Variants in ASIC2 observed in about 807,000 individuals in gnomAD.
ASIC2 encodes acid-sensing ion channel 2.
Under a neutral mutation model 57.3 loss-of-function variants are expected in ASIC2, and 25 were observed. The observed-to-expected ratio is 0.44, with a 90% confidence interval of 0.32 to 0.61. The LOEUF is 0.61. Ranked by LOEUF, ASIC2 falls within the 20% of genes least tolerant of loss-of-function variation. The probability of loss-of-function intolerance (pLI) is 0.06; values close to 1 mark genes in which losing one functional copy is unlikely to be tolerated. For missense variants in ASIC2, 641 were observed against 738.1 expected, an observed-to-expected ratio of 0.87 and a Z score of 1.52; for synonymous variants, 319 against 307.5, an observed-to-expected ratio of 1.04 and a Z score of -0.39.
intron 1 of ASIC2, among the ~76,000 whole-genome samples, chr17:34,100,669 G>A (rs999566636): frequency 1.3e-5 from 2 of 152,142 alleles, no homozygotes; most frequent in Admixed American, 1.3e-4. Flanking sequence ...AGAGGGCTGA[G>A]GGCTCCCAGG....
At chr17:33,210,482 C>G (rs1003390679) in intron 1 of ASIC2, among the ~76,000 whole-genome samples, 1 of 152,220 alleles carries the variant, frequency 6.6e-6, no homozygotes, top group African/African-American at 2.4e-5. Flanking sequence ...CCCTCCACCC[C>G]CCAACCCAGG....
At chr17:33,792,694 G>T (rs1231005971) in intron 1 of ASIC2, 1 of 152,154 alleles carries the variant, frequency 6.6e-6, no homozygotes, top group Non-Finnish European at 1.5e-5. Flanking sequence ...AATCACAGTG[G>T]CTTATGAAGT....
At chr17:33,579,795 GTGAAAAACACCCCTT>G (rs1394728207) in intron 1 of ASIC2, among the ~76,000 whole-genome samples, 53 of 152,252 alleles carry the variant, frequency 3.5e-4, no homozygotes, top group Non-Finnish European at 6.9e-4. Flanking sequence ...CTACCACACC[GTGAAAAACACCCCTT>G]GGATTTCGGC....
intron 1 of ASIC2, among the ~76,000 whole-genome samples, chr17:33,712,571 T>A (rs1162896746): frequency 1.3e-5 from 2 of 151,368 alleles, no homozygotes; most frequent in Non-Finnish European, 2.9e-5. Flanking sequence ...TGGCTGGAAC[T>A]GTAGTCATCT....
rs8078681 is a variant in ASIC2, at chr17:34,111,144, C to G, written c.555+44834G>C. On this transcript the variant is annotated intron_variant, in intron 1 of 9. Transcript: ENST00000359872. ...AGGAGGCTGAGGCAGGAGAATCACT[C>G]GAACCCAGGAGGCAGAAGTTGCAGT... Among the ~76,000 whole-genome samples the G allele has an allele frequency of 2.8e-4, 43 of 151,748 alleles. 1 individual carries two copies. The East Asian group carries it at 7.7e-3, about 27-fold the overall frequency.
chr17:33,894,338 CG>C (rs1915036146), intron 1 of ASIC2, among the ~76,000 whole-genome samples: 2 of 93,906 alleles, frequency 2.1e-5, no homozygotes, highest in Admixed American at 8.8e-5. Context: ...TGCGTGCGTG[CG>C]TGCGTGCGTG....
At chr17:33,219,499 C>G (rs1907617406) in intron 1 of ASIC2, among the ~76,000 whole-genome samples, 1 of 152,196 alleles carries the variant, frequency 6.6e-6, no homozygotes. Flanking sequence ...AACACTATGA[C>G]AGTCATTGCT....
At chr17:33,331,113 A>G (rs777046270) in intron 1 of ASIC2, among the ~76,000 whole-genome samples, 5 of 152,040 alleles carry the variant, frequency 3.3e-5, no homozygotes, top group Admixed American at 6.6e-5. Flanking sequence ...AGGAGCACAA[A>G]CCCTATTGTG....
intron 1 of ASIC2, among the ~76,000 whole-genome samples, chr17:33,446,987 G>A (rs899931516): frequency 6.6e-6 from 1 of 152,150 alleles, no homozygotes; most frequent in Admixed American, 6.5e-5. Flanking sequence ...TAAACTGAAC[G>A]TCACTATTTT....
intron 1 of ASIC2, among the ~76,000 whole-genome samples, chr17:33,182,217 A>T (rs905979588): frequency 6.6e-6 from 1 of 152,138 alleles, no homozygotes; most frequent in African/African-American, 2.4e-5. Flanking sequence ...TTTGGAAGGA[A>T]CAGCCAATAG....
At chr17:34,001,384 G>A (rs1906334873) in intron 1 of ASIC2, 1 of 152,718 alleles carries the variant, frequency 6.5e-6, no homozygotes, top group African/African-American at 2.4e-5. Flanking sequence ...GACAGGCCTG[G>A]TGTGTGGGTC....
intron 1 of ASIC2, among the ~76,000 whole-genome samples, chr17:34,124,642 CA>C (rs1370885537): frequency 3.3e-5 from 5 of 152,166 alleles, no homozygotes; most frequent in Admixed American, 3.3e-4. Flanking sequence ...ATTTATTTCT[CA>C]CACTTCCAAG....
chr17:33,065,976 G>A (rs2092041849), intron 3 of ASIC2, among the ~76,000 whole-genome samples: 1 of 152,100 alleles, frequency 6.6e-6, no homozygotes, highest in Non-Finnish European at 1.5e-5. Flanking sequence ...CAGACCAGTG[G>A]GATGTTAAGG....
In ASIC2 at chr17:33,682,060, C is replaced by CTTTTTTTT. The variant is rs58085265; in HGVS notation, c.555+473910_555+473917dup. ...CCACACAGGATGGCATCAGTGACAT[C>CTTTTTTTT]TTTTTTTTTTTTTTTTTGAGACAGA... is the stretch of plus-strand genomic sequence containing the variant. On this transcript the variant is annotated intron_variant, in intron 1 of 9. Transcript: ENST00000359872. 8.8e-4 allele frequency among the ~76,000 whole-genome samples: 108 copies of CTTTTTTTT among 122,752 alleles called. 8 individuals are homozygous for CTTTTTTTT. The highest frequency in any genetic ancestry group is 1.7e-3 in the African/African-American group (50 of 29,870). 80.5% of individuals were successfully genotyped at this position (122,752 alleles called of 152,430 possible). A position where few individuals can be genotyped will look rare whatever the true frequency, so the allele number is the denominator to read the frequency against.
chr17:33,799,427 C>CTTTCTTTCTTTCTTCTTTCTTTCTTTCT (rs11439080), intron 1 of ASIC2, among the ~76,000 whole-genome samples: 1 of 84,060 alleles, frequency 1.2e-5, no homozygotes, highest in African/African-American at 4.8e-5. Flanking sequence ...TTCTTTCTTT[C>CTTTCTTTCTTTCTTCTTTCTTTCTTTCT]TTCTTTCTTT....
intron 1 of ASIC2, among the ~76,000 whole-genome samples, chr17:33,956,509 C>G (rs963636035): frequency 1.3e-5 from 2 of 152,164 alleles, no homozygotes; most frequent in South Asian, 2.1e-4. Flanking sequence ...CAAGCTGCAC[C>G]CCTGAGAAGG....
chr17:33,135,389 C>A (rs534038061), intron 1 of ASIC2, among the ~76,000 whole-genome samples: 1 of 152,322 alleles, frequency 6.6e-6, no homozygotes, highest in African/African-American at 2.4e-5. Flanking sequence ...CTTACTCTGC[C>A]TCTCTGGGTC....
At chr17:33,675,164 C>T (rs1230176640) in intron 1 of ASIC2, among the ~76,000 whole-genome samples, 1 of 152,218 alleles carries the variant, frequency 6.6e-6, no homozygotes, top group African/African-American at 2.4e-5. Context: ...ATGTTATCAT[C>T]GTTATTTCCC....
rs1427533332 is a variant in ASIC2 at position 33,292,974 on chromosome 17, C to T, written c.-859G>A. The T allele has an allele frequency of 2.0e-6, 2 of 985,424 alleles. No homozygotes were observed. Among genetic ancestry groups the T allele is most frequent in the South Asian group, 4.7e-5 (1 of 21,294 alleles). 61.0% of individuals were successfully genotyped at this position (985,424 alleles called of 1,614,324 possible). ...CGCAGGGAAGTGTCGCTTCTCGCCT[C>T]GGCTCTCCCAGGTGCCTCGCGTCTC... On this transcript the variant is annotated 5_prime_UTR_variant, in exon 1 of 10. Transcript: ENST00000225823.
Sources: allele counts gnomAD v4.1 joint callset (sites outside exome capture counted in the v4.1 genomes callset), GRCh38; gene constraint gnomAD v4.1.1; transcripts MANE v1.5; gene names NCBI Gene and HGNC (gene_info 2026-07-23, HGNC 2026-07-21).